Variants in AMMECR1 observed in about 807,000 individuals in gnomAD.
AMMECR1 encodes AMMECR nuclear protein 1.
A neutral mutation model predicts 22.5 loss-of-function variants in AMMECR1; 3 were observed. That is an observed-to-expected ratio of 0.13 (90% CI 0.06 to 0.35). The LOEUF is 0.35. Among genes scored for constraint, AMMECR1 ranks in the 10% least tolerant of loss-of-function variants. The pLI, the probability that AMMECR1 is intolerant of heterozygous loss-of-function variation, is 1.00. For missense variants in AMMECR1, 235 were observed against 278.7 expected (o/e 0.84, Z 1.12); for synonymous variants, 130 against 116.7 (o/e 1.11, Z -0.74).
intron 2 of AMMECR1, among the ~76,000 whole-genome samples, chrX:110,329,021 T>C (rs779327228): frequency 8.9e-6 from 1 of 112,660 alleles, no homozygotes; most frequent in East Asian, 2.8e-4. Context: ...TTCCTTGTTC[T>C]AGATCCTTGA....
intron 1 of AMMECR1, among the ~76,000 whole-genome samples, chrX:110,278,997 C>T (rs2067839501): frequency 1.8e-5 from 2 of 112,096 alleles, no homozygotes; most frequent in South Asian, 7.4e-4. Context: ...CATACTCAAT[C>T]CAGAATTTCT....
intron 2 of AMMECR1, among the ~76,000 whole-genome samples, chrX:110,245,248 T>C (rs995441439): frequency 8.9e-6 from 1 of 112,037 alleles, no homozygotes; most frequent in African/African-American, 3.2e-5. Context: ...TACTGGCAAT[T>C]GTTAAGCACA....
rs1407975835 is a variant in AMMECR1 at position 110,197,935 on chromosome X, C to T, written c.*585G>A. 8.9e-6 allele frequency: 1 copy of T among 111,736 alleles called. No individual in the cohort carries two copies. Among genetic ancestry groups the T allele is most frequent in the Non-Finnish European group, 1.9e-5 (1 of 53,070 alleles). 9.2% of individuals were successfully genotyped at this position (111,736 alleles called of 1,213,427 possible). On this transcript the variant is annotated 3_prime_UTR_variant, in exon 6 of 6. Coordinates refer to ENST00000262844, the MANE Select transcript of AMMECR1 (RefSeq NM_015365.3). ...AAAACATATACTTAAGGAGTGAAGACCCAACTACTAGGCTGTCATAGCAAA... is the reference window on the plus strand; with the variant it reads ...AAAACATATACTTAAGGAGTGAAGATCCAACTACTAGGCTGTCATAGCAAA...
chrX:110,387,710 A>G (rs1052100942), intron 2 of AMMECR1, among the ~76,000 whole-genome samples: 1 of 111,404 alleles, frequency 9.0e-6, no homozygotes, highest in Non-Finnish European at 1.9e-5. Flanking sequence ...GCTAAAACCC[A>G]TGTTCTCTAC....
At chrX:110,308,015 G>A (rs771832932) in intron 1 of AMMECR1, among the ~76,000 whole-genome samples, 1 of 107,703 alleles carries the variant, frequency 9.3e-6, no homozygotes, top group Non-Finnish European at 1.9e-5. Context: ...GACTACAGGC[G>A]CATGCCATCA....
intron 2 of AMMECR1, among the ~76,000 whole-genome samples, chrX:110,384,931 T>C (rs181907398): frequency 9.0e-6 from 1 of 111,149 alleles, no homozygotes; most frequent in Non-Finnish European, 1.9e-5. Context: ...GTTTATTTGC[T>C]AATCAACTTT....
At chrX:110,400,160 C>A (rs921275610) in intron 2 of AMMECR1, among the ~76,000 whole-genome samples, 7 of 107,090 alleles carry the variant, frequency 6.5e-5, no homozygotes, top group African/African-American at 2.4e-4. Flanking sequence ...CTTACACACA[C>A]ATTTGGGTGC....
At chrX:110,376,906 C>T (rs1258909435) in intron 2 of AMMECR1, among the ~76,000 whole-genome samples, 1 of 111,530 alleles carries the variant, frequency 9.0e-6, no homozygotes, top group Non-Finnish European at 1.9e-5. Flanking sequence ...GACGGTATGA[C>T]GTTGGGTCAT....
intron 1 of AMMECR1, among the ~76,000 whole-genome samples, chrX:110,295,985 T>C (rs2067933880): frequency 8.9e-6 from 1 of 112,015 alleles, no homozygotes. Flanking sequence ...CTGTCTTTTA[T>C]GTTTACCTAT....
chrX:110,353,072 A>G (rs2068217129), intron 2 of AMMECR1, among the ~76,000 whole-genome samples: 1 of 111,634 alleles, frequency 9.0e-6, no homozygotes, highest in African/African-American at 3.3e-5. Flanking sequence ...GAATTTATCC[A>G]CTCGTTTTAG....
At chrX:110,347,561 G>T (rs968827509) in intron 2 of AMMECR1, among the ~76,000 whole-genome samples, 5 of 112,729 alleles carry the variant, frequency 4.4e-5, no homozygotes, top group African/African-American at 1.6e-4. Context: ...GCATAATTTT[G>T]TTAATGATAG....
chrX:110,411,753 A>G lies in AMMECR1; in HGVS notation c.-148+14905T>C, dbSNP rs150133752. On this transcript the variant is annotated intron_variant, in intron 2 of 7. Coordinates refer to the AMMECR1 transcript ENST00000372057. ...CCACCAGCTCCAGTGTAAGAAGTGCATTATTTTCTTTACAGCACTTACCAT... is the reference window on the plus strand; with the variant it reads ...CCACCAGCTCCAGTGTAAGAAGTGCGTTATTTTCTTTACAGCACTTACCAT... Among the ~76,000 whole-genome samples the G allele has an allele frequency of 1.2e-3, 133 of 112,548 alleles. 2 individuals are homozygous for G. In the East Asian group the frequency reaches 0.034, roughly 29 times the overall value.
intron 1 of AMMECR1, among the ~76,000 whole-genome samples, chrX:110,296,996 T>A (rs1011926888): frequency 9.0e-6 from 1 of 111,441 alleles, no homozygotes; most frequent in African/African-American, 3.3e-5. Context: ...GGAAATCAGA[T>A]CTCTTCTCCC....
chrX:110,207,738 C>G (rs2067428616), intron 3 of AMMECR1, among the ~76,000 whole-genome samples: 1 of 111,996 alleles, frequency 8.9e-6, no homozygotes. Context: ...TGCGATTCAG[C>G]TTTTGTTTTT....
chrX:110,429,041 C>A (rs1200063796), intron 1 of AMMECR1, among the ~76,000 whole-genome samples: 1 of 111,809 alleles, frequency 8.9e-6, no homozygotes, highest in Non-Finnish European at 1.9e-5. Flanking sequence ...ATCTCTTCTA[C>A]CCCACTAGCC....
intron 2 of AMMECR1, among the ~76,000 whole-genome samples, chrX:110,386,188 T>C (rs1448732618): frequency 1.8e-5 from 2 of 111,011 alleles, no homozygotes; most frequent in African/African-American, 6.5e-5. Context: ...CTATGTTTAA[T>C]GGTTTGAGGA....
chrX:110,287,591 T>C (rs941313624), intron 1 of AMMECR1, among the ~76,000 whole-genome samples: 1 of 111,821 alleles, frequency 8.9e-6, no homozygotes, highest in Non-Finnish European at 1.9e-5. Context: ...CTCAACAATT[T>C]CTTATACCTT....
chrX:110,322,792 G>A (rs5985458), upstream of AMMECR1, among the ~76,000 whole-genome samples: 2 of 111,808 alleles, frequency 1.8e-5, no homozygotes, highest in African/African-American at 6.5e-5. Context: ...ACAATTTATG[G>A]CTTATTCTCT....
At chrX:110,429,359 A>G (rs2068778029) in intron 1 of AMMECR1, among the ~76,000 whole-genome samples, 1 of 111,807 alleles carries the variant, frequency 8.9e-6, no homozygotes, top group African/African-American at 3.3e-5. Context: ...TAGACACTGC[A>G]AACCTGATTT....
Sources: allele counts gnomAD v4.1 joint callset (sites outside exome capture counted in the v4.1 genomes callset), GRCh38; gene constraint gnomAD v4.1.1; transcripts MANE v1.5; gene names NCBI Gene and HGNC (gene_info 2026-07-23, HGNC 2026-07-21).